RREB1: variants seen among roughly 807,000 people sequenced by gnomAD.
The protein encoded by RREB1 is ras responsive element binding protein 1, also known as ras-responsive element-binding protein 1.
Under a neutral mutation model 117.8 loss-of-function variants are expected in RREB1, and 27 were observed. The observed-to-expected ratio is 0.23, with a 90% CI of 0.17 to 0.32. The LOEUF (loss-of-function observed/expected upper bound fraction) is 0.32. Among genes scored for constraint, RREB1 ranks in the 10% least tolerant of loss-of-function variants. The pLI, the probability that RREB1 is intolerant of heterozygous loss-of-function variation, is 1.00. For missense variants in RREB1, 2,577 were observed against 2,378.2 expected (o/e 1.08, Z -1.74); for synonymous variants, 1,298 against 1,026.7 (o/e 1.26, Z -5.05).
intron 1 of RREB1, among the ~76,000 whole-genome samples, chr6:7,130,646 T>G (rs1028394027): frequency 6.6e-6 from 1 of 151,926 alleles, no homozygotes; most frequent in African/African-American, 2.4e-5. Context: ...AGATGGAGTC[T>G]TGCTCTGTCA....
At chr6:7,171,758 T>TCAG (rs1394371817) in intron 1 of RREB1, among the ~76,000 whole-genome samples, 3 of 151,888 alleles carry the variant, frequency 2.0e-5, no homozygotes, top group Non-Finnish European at 2.9e-5. Context: ...GAGCCATGGG[T>TCAG]CAGTGGGAGT....
chr6:7,111,628 G>A (rs1043887822), intron 1 of RREB1, among the ~76,000 whole-genome samples: 1 of 152,168 alleles, frequency 6.6e-6, no homozygotes, highest in Non-Finnish European at 1.5e-5. Flanking sequence ...AATCTTCTAT[G>A]TCCTTTGACC....
intron 5 of RREB1, among the ~76,000 whole-genome samples, chr6:7,188,226 C>CGTGTGTGT (rs149501678): frequency 0.14 from 20,501 of 149,258 alleles, 1,770 homozygotes; most frequent in Non-Finnish European, 0.18. Flanking sequence ...CCCCCCCACA[C>CGTGTGTGT]GTGTGTGTGT....
At chr6:7,188,218 C>T (rs1219342019) in intron 5 of RREB1, among the ~76,000 whole-genome samples, 5 of 119,526 alleles carry the variant, frequency 4.2e-5, no homozygotes, top group South Asian at 2.9e-4. Context: ...GAATCGCTCC[C>T]CCCCACACGT....
intron 6 of RREB1, among the ~76,000 whole-genome samples, chr6:7,198,772 ACTTCT>A (rs1189935479): frequency 6.6e-6 from 1 of 152,138 alleles, no homozygotes; most frequent in Non-Finnish European, 1.5e-5. Flanking sequence ...AAGGGCTGAA[ACTTCT>A]CTTTTCAACC....
At chr6:7,168,644 A>T (rs558336630) in intron 1 of RREB1, among the ~76,000 whole-genome samples, 3 of 152,248 alleles carry the variant, frequency 2.0e-5, no homozygotes, top group Non-Finnish European at 4.4e-5. Flanking sequence ...TCCATGGTGG[A>T]CCTGTGCAAT....
At chr6:7,146,608 G>C (rs1232267729) in intron 1 of RREB1, among the ~76,000 whole-genome samples, 2 of 152,148 alleles carry the variant, frequency 1.3e-5, no homozygotes, top group African/African-American at 2.4e-5. Context: ...TCTGCTTCGT[G>C]TTTGTGTCCA....
At chr6:7,167,350 T>A (rs1347756701) in intron 1 of RREB1, among the ~76,000 whole-genome samples, 2 of 93,728 alleles carry the variant, frequency 2.1e-5, no homozygotes, top group Non-Finnish European at 2.5e-5. Context: ...TGGGACAGGA[T>A]TTTTTTTTTT....
At chr6:7,144,303 C>G (rs749306933) in intron 1 of RREB1, among the ~76,000 whole-genome samples, 10 of 152,150 alleles carry the variant, frequency 6.6e-5, no homozygotes, top group Non-Finnish European at 1.2e-4. Flanking sequence ...ATACATGTAT[C>G]AAAACCTCAC....
chr6:7,146,543 C>G (rs1156726910), intron 1 of RREB1, among the ~76,000 whole-genome samples: 1 of 152,122 alleles, frequency 6.6e-6, no homozygotes, highest in Non-Finnish European at 1.5e-5. Context: ...CGTCTTGTGG[C>G]CATAAATGTG....
intron 1 of RREB1, among the ~76,000 whole-genome samples, chr6:7,170,540 A>T (rs1330607892): frequency 6.6e-6 from 1 of 152,166 alleles, no homozygotes; most frequent in African/African-American, 2.4e-5. Flanking sequence ...TGTTTGCTGG[A>T]GAGAAGGCTT....
chr6:7,245,786 G>A (rs1184756938), intron 11 of RREB1, among the ~76,000 whole-genome samples: 2 of 152,118 alleles, frequency 1.3e-5, no homozygotes, highest in African/African-American at 4.8e-5. Flanking sequence ...CCCTTCCTTT[G>A]AAAGATTCCA....
At chr6:7,133,940 A>G (rs2113362615) in intron 1 of RREB1, among the ~76,000 whole-genome samples, 1 of 152,310 alleles carries the variant, frequency 6.6e-6, no homozygotes. Context: ...TTTATACCAT[A>G]TGTTTTACAA....
intron 1 of RREB1, among the ~76,000 whole-genome samples, chr6:7,164,711 G>A (rs1466875606): frequency 6.6e-6 from 1 of 152,208 alleles, no homozygotes; most frequent in Non-Finnish European, 1.5e-5. Flanking sequence ...GTGCTTTTGA[G>A]TCTGAACCTA....
chr6:7,156,256 C>A (rs982221360), intron 1 of RREB1, among the ~76,000 whole-genome samples: 1 of 152,172 alleles, frequency 6.6e-6, no homozygotes, highest in East Asian at 1.9e-4. Context: ...ACTTCCTTTC[C>A]CTTCATCACT....
intron 8 of RREB1, 188 bp downstream of exon 8, chr6:7,211,897 TC>T: frequency 1.6e-6 from 1 of 615,646 alleles, no homozygotes; most frequent in Non-Finnish European, 2.9e-6. Context: ...GGTGGCTGTA[TC>T]CACAGGGTGT....
rs1381456686 is a variant in RREB1, at chr6:7,108,075, C to G, written c.-285+15C>G. 1 of 152,330 alleles carries G rather than the reference C, an allele frequency of 6.6e-6. No homozygotes were observed. The highest frequency in any genetic ancestry group is 2.4e-5 in the African/African-American group (1 of 41,472). 9.4% of individuals were successfully genotyped at this position (152,330 alleles called of 1,614,324 possible). ...CCTGCCCGGCCGTAAGTACGTGCCC[C>G]GGATTCCGACTCGCGGTACGCCGGC... On this transcript the variant is annotated intron_variant, in intron 1 of 12. Coordinates refer to ENST00000379938, the MANE Select transcript of RREB1 (RefSeq NM_001003699.4).
intron 1 of RREB1, among the ~76,000 whole-genome samples, chr6:7,119,278 G>A (rs1184479427): frequency 6.6e-6 from 1 of 152,118 alleles, no homozygotes; most frequent in Non-Finnish European, 1.5e-5. Context: ...TTGAACCCTG[G>A]AGGCAGAGGT....
At chr6:7,219,988 TC>T (rs1195533584) in intron 8 of RREB1, among the ~76,000 whole-genome samples, 1 of 152,150 alleles carries the variant, frequency 6.6e-6, no homozygotes, top group Non-Finnish European at 1.5e-5. Context: ...CCTCTGCTGT[TC>T]CAGGGAGCCC....
Sources: allele counts gnomAD v4.1 joint callset (sites outside exome capture counted in the v4.1 genomes callset), GRCh38; gene constraint gnomAD v4.1.1; transcripts MANE v1.5; gene names NCBI Gene and HGNC (gene_info 2026-07-23, HGNC 2026-07-21).